The following ENOSF1 variants were observed in gnomAD, a reference collection of about 807,000 sequenced individuals.
ENOSF1 encodes enolase superfamily member 1.
ENOSF1 carries 73 observed loss-of-function variants against 68.2 expected under a neutral mutation model. The ratio of observed to expected loss-of-function variants is 1.07; its 90% CI spans 0.89 to 1.30. The LOEUF (loss-of-function observed/expected upper bound fraction) is 1.30. Ranked by LOEUF, ENOSF1 falls within the 50% of genes most tolerant of loss-of-function variation. The pLI, the probability that ENOSF1 is intolerant of heterozygous loss-of-function variation, is 0.00. For synonymous variants in ENOSF1, 223 were observed against 210.4 expected (o/e 1.06, Z -0.52); for missense variants, 589 against 554.5 (o/e 1.06, Z -0.62).
chr18:706,859 C>T (rs1197533438), intron 1 of ENOSF1: 1 of 149,782 alleles, frequency 6.7e-6, no homozygotes, highest in African/African-American at 2.5e-5. Flanking sequence ...TGCTCTGTCA[C>T]CTAGGCAGGA....
At position 672,816 on chromosome 18, in the gene ENOSF1, G is replaced by C. The variant is rs768597616; in HGVS notation, c.*1489C>G. 2 of 1,533,018 alleles carry C rather than the reference G, an allele frequency of 1.3e-6. No homozygotes were observed. The highest frequency in any genetic ancestry group is 1.8e-5 in the Admixed American group (1 of 56,256). The allele number at this position is 1,533,018 out of a possible 1,614,324, so 95.0% of individuals were successfully genotyped here. A position where few individuals can be genotyped will look rare whatever the true frequency, so the allele number is the denominator to read the frequency against. On this transcript the variant is annotated 3_prime_UTR_variant, in exon 16 of 16. Transcript: ENST00000647584. Reference sequence around the variant, plus strand: ...ACGGACATGAGGAGCAATTACAACAGGTCGTACAATTATGGCAAAATAATG... The same window carrying C: ...ACGGACATGAGGAGCAATTACAACACGTCGTACAATTATGGCAAAATAATG...
chr18:666,720 AAAT>A (rs1344147696), downstream of ENOSF1, among the ~76,000 whole-genome samples: 1 of 152,234 alleles, frequency 6.6e-6, no homozygotes, highest in African/African-American at 2.4e-5. Flanking sequence ...GAGATCTGTT[AAAT>A]GTTAGCAACT....
At chr18:712,209 A>T in intron 1 of ENOSF1, 3 of 1,440,064 alleles carry the variant, frequency 2.1e-6, no homozygotes, top group Non-Finnish European at 2.8e-6. Flanking sequence ...GGATACTTAT[A>T]CAATTGCTCC....
At chr18:683,064 G>T in intron 11 of ENOSF1, 182 bp downstream of exon 11, 3 of 722,750 alleles carry the variant, frequency 4.2e-6, no homozygotes, top group Non-Finnish European at 6.7e-6. Flanking sequence ...AGTATAAGCT[G>T]AAGTAGAAAA....
At chr18:686,049 G>A in intron 9 of ENOSF1, 41 bp from the exon 10 acceptor site, 1 of 1,481,866 alleles carries the variant, frequency 6.7e-7, no homozygotes. Context: ...ACCTGTACCT[G>A]GACTTGGCAA....
At chr18:679,206 A>AT (rs2075831749) in intron 11 of ENOSF1, among the ~76,000 whole-genome samples, 1 of 120,726 alleles carries the variant, frequency 8.3e-6, no homozygotes, top group Non-Finnish European at 1.7e-5. Context: ...ACCCTCTCAT[A>AT]TCTTTTTTTT....
intron 7 of ENOSF1, 139 bp downstream of exon 7, chr18:690,929 C>G (rs998660231): frequency 1.2e-5 from 14 of 1,196,786 alleles, no homozygotes; most frequent in Non-Finnish European, 1.7e-5. Context: ...CTTCACCATG[C>G]AGACTTGAAT....
chr18:693,320 CTTTTCTT>C, intron 5 of ENOSF1: 19 of 1,223,186 alleles, frequency 1.6e-5, no homozygotes, highest in Non-Finnish European at 2.0e-5. Context: ...TGGATAGTAT[CTTTTCTT>C]TTTTCTTTTT....
At chr18:694,391 G>T in intron 3 of ENOSF1, 57 bp from the exon 4 acceptor site, 2 of 1,516,906 alleles carry the variant, frequency 1.3e-6, no homozygotes, top group Non-Finnish European at 1.8e-6. Context: ...AGGGCTGGGT[G>T]TGATGGCTCA....
intron 2 of ENOSF1, among the ~76,000 whole-genome samples, chr18:704,459 A>T (rs1456621301): frequency 1.3e-5 from 2 of 150,924 alleles, no homozygotes; most frequent in Non-Finnish European, 3.0e-5. Context: ...AAAAAAAAAG[A>T]ACAGCCTAAT....
chr18:709,396 G>T (rs116863223), intron 1 of ENOSF1, among the ~76,000 whole-genome samples: 1 of 152,168 alleles, frequency 6.6e-6, no homozygotes, highest in Admixed American at 6.6e-5. Flanking sequence ...AGCGGAAAAC[G>T]TATCTGAGGG....
At chr18:689,771 T>G (rs2076965897) in intron 8 of ENOSF1, among the ~76,000 whole-genome samples, 1 of 151,708 alleles carries the variant, frequency 6.6e-6, no homozygotes, top group East Asian at 1.9e-4. Flanking sequence ...GTGTCTTTTG[T>G]ACGTGAACGA....
intron 2 of ENOSF1, among the ~76,000 whole-genome samples, chr18:701,536 CCT>C (rs1434683550): frequency 1.3e-5 from 2 of 151,992 alleles, no homozygotes; most frequent in African/African-American, 4.8e-5. Flanking sequence ...GGGTGGATCA[CCT>C]GAGGTCAGGA....
chr18:703,454 G>C (rs2078592755), intron 2 of ENOSF1, among the ~76,000 whole-genome samples: 1 of 152,176 alleles, frequency 6.6e-6, no homozygotes, highest in South Asian at 2.1e-4. Flanking sequence ...TTGCAGTATG[G>C]AGAAAGGCAG....
chr18:679,302 C>A (rs558972586), intron 11 of ENOSF1, among the ~76,000 whole-genome samples: 5 of 151,740 alleles, frequency 3.3e-5, no homozygotes, highest in African/African-American at 7.3e-5. Context: ...CTCCACCCCC[C>A]AGGCTGAAGC....
At chr18:710,470 T>C (rs962756890) in intron 1 of ENOSF1, among the ~76,000 whole-genome samples, 1 of 152,236 alleles carries the variant, frequency 6.6e-6, no homozygotes, top group African/African-American at 2.4e-5. Context: ...GGATTCCTTC[T>C]GCTTCAGTTT....
intron 4 of ENOSF1, 45 bp downstream of exon 4, chr18:694,203 C>T (rs369827222): frequency 6.4e-6 from 10 of 1,569,648 alleles, no homozygotes; most frequent in Middle Eastern, 1.7e-4. Flanking sequence ...AAGTCAGTGT[C>T]GTACAGCTCC....
intron 2 of ENOSF1, among the ~76,000 whole-genome samples, chr18:703,211 G>A (rs959649826): frequency 1.3e-5 from 2 of 152,146 alleles, no homozygotes. Context: ...CCAAGACAGC[G>A]GTGTGGGGCT....
chr18:712,429 TACCATGGCGTCCGC>T, intron 1 of ENOSF1, 61 bp downstream of exon 1: 1 of 596,326 alleles, frequency 1.7e-6, no homozygotes, highest in African/African-American at 2.0e-5. Context: ...CGTCCGCGCT[TACCATGGCGTCCGC>T]GCTTACCATG....
Sources: allele counts gnomAD v4.1 joint callset (sites outside exome capture counted in the v4.1 genomes callset), GRCh38; gene constraint gnomAD v4.1.1; transcripts MANE v1.5; gene names NCBI Gene and HGNC (gene_info 2026-07-23, HGNC 2026-07-21).